ZPR1: variants seen among roughly 807,000 people sequenced by gnomAD.
ZPR1 encodes the protein ZPR1 zinc finger.
Under a neutral mutation model 59.6 loss-of-function variants are expected in ZPR1, and 37 were observed. The observed-to-expected ratio is 0.62, with a 90% confidence interval of 0.48 to 0.82. The LOEUF (loss-of-function observed/expected upper bound fraction) is 0.82, where lower values mean the gene tolerates loss of function less well. Ranked by LOEUF, ZPR1 falls within the 40% of genes least tolerant of loss-of-function variation. ZPR1 has a pLI of 0.00. For missense variants in ZPR1, 527 were observed against 579.9 expected (o/e 0.91, Z 0.94); for synonymous variants, 191 against 215.2 (o/e 0.89, Z 0.99).
intron 11 of ZPR1, 33 bp from the exon 12 acceptor site, chr11:116,782,277 A>G (rs1051539483): frequency 1.1e-5 from 18 of 1,583,302 alleles, no homozygotes; most frequent in Non-Finnish European, 1.6e-5. Context: ...CTATGTGAAT[A>G]CTGGCTTTAT....
Position 116,787,592 on chromosome 11 carries a change from CTAT to C in ZPR1, c.220_222del (p.Ile74del). On this transcript the variant is annotated inframe_deletion, in exon 2 of 14. Coordinates refer to ENST00000227322, the MANE Select transcript of ZPR1 (RefSeq NM_003904.5). ...CAGTGCTCGCAGGAAAAGGAGCTCA[CTAT>C]TATTTCTCTGAAGAAGGGAATCTTG... is the stretch of plus-strand genomic sequence containing the variant. 6.2e-7 allele frequency: 1 copy of C among 1,614,202 alleles called. No homozygotes were observed.
At chr11:116,784,811 C>A (rs763086986) in intron 8 of ZPR1, 44 bp downstream of exon 8, 1 of 1,589,312 alleles carries the variant, frequency 6.3e-7, no homozygotes, top group Admixed American at 1.7e-5. Flanking sequence ...AATCTTCATG[C>A]CTGAGTCAGA....
Position 116,782,256 on chromosome 11 carries a change from G to A in ZPR1, c.1093-12C>T, listed in dbSNP as rs1940819161. 1 of 1,610,316 alleles carries A rather than the reference G, an allele frequency of 6.2e-7. No individual in the cohort carries two copies. The highest frequency in any genetic ancestry group is 8.5e-7 in the Non-Finnish European group (1 of 1,176,690). ...GGATTTTTGGTCACCTGCAATAAAT[G>A]ATAATCCAAACTATGTGAATACTGG... On this transcript the variant is annotated splice_polypyrimidine_tract_variant and intron_variant, in intron 11 of 13. Coordinates refer to ENST00000227322, the MANE Select transcript of ZPR1 (RefSeq NM_003904.5).
At chr11:116,780,596 T>C (rs1400400740) in intron 12 of ZPR1, among the ~76,000 whole-genome samples, 1 of 152,090 alleles carries the variant, frequency 6.6e-6, no homozygotes, top group Admixed American at 6.5e-5. Flanking sequence ...CTTAAAACTT[T>C]GGAGGATTCT....
intron 7 of ZPR1, 28 bp from the exon 8 acceptor site, chr11:116,784,949 G>A: frequency 1.2e-6 from 2 of 1,613,620 alleles, no homozygotes; most frequent in Non-Finnish European, 8.5e-7. Flanking sequence ...GACAAAGGGT[G>A]AGCCCTCCCA....
chr11:116,785,485 C>G, intron 6 of ZPR1, 29 bp downstream of exon 6: 1 of 1,610,336 alleles, frequency 6.2e-7, no homozygotes, highest in Non-Finnish European at 8.5e-7. Flanking sequence ...AATTCCAGAG[C>G]ATTCTTCTGG....
At chr11:116,784,653 T>TCA (rs367783079) in intron 8 of ZPR1, among the ~76,000 whole-genome samples, 3 of 152,126 alleles carry the variant, frequency 2.0e-5, no homozygotes, top group South Asian at 2.1e-4. Context: ...ATGGCTCAGG[T>TCA]CACACACACA....
Position 116,786,584 on chromosome 11 carries a change from T to G in ZPR1, c.425-3A>C, listed in dbSNP as rs753996192. The G allele has an allele frequency of 3.1e-6, 5 of 1,613,870 alleles. No individual in the cohort carries two copies. Among genetic ancestry groups the G allele is most frequent in the Non-Finnish European group, 3.4e-6 (4 of 1,179,892 alleles). On this transcript the variant is annotated splice_polypyrimidine_tract_variant and splice_region_variant and intron_variant, in intron 3 of 13. Transcript: ENST00000227322. ...CAATCCTTCAACAGTGGTCAGAGCT[T>G]GTGAACAAGAACAAAAGACAAGTGT...
At chr11:116,786,718 G>A (rs1042458065) in intron 3 of ZPR1, 137 bp from the exon 4 acceptor site, 2 of 770,238 alleles carry the variant, frequency 2.6e-6, no homozygotes, top group African/African-American at 1.7e-5. Context: ...CAGGTGCAAG[G>A]TTCCATTCAT....
intron 5 of ZPR1, 44 bp from the exon 6 acceptor site, chr11:116,785,680 A>G (rs544108774): frequency 5.0e-6 from 8 of 1,613,686 alleles, no homozygotes; most frequent in Admixed American, 1.7e-5. Flanking sequence ...AGAAAATCAT[A>G]AACAATCCTA....
chr11:116,781,550 C>T (rs187287759), intron 12 of ZPR1, among the ~76,000 whole-genome samples: 15 of 152,326 alleles, frequency 9.8e-5, no homozygotes, highest in Admixed American at 2.6e-4. Flanking sequence ...ATCCTAGAAT[C>T]GTATTCCCAG....
intron 10 of ZPR1, 117 bp downstream of exon 10, chr11:116,783,413 G>C (rs1020890423): frequency 2.1e-5 from 18 of 868,256 alleles, no homozygotes; most frequent in Non-Finnish European, 3.3e-5. Flanking sequence ...TCAAAGCCAG[G>C]GAAGTAGGAG....
At position 116,787,849 on chromosome 11, in the gene ZPR1, C is replaced by T; in HGVS notation, c.142G>A (p.Glu48Lys). Residue 48 changes from glutamate (E) to lysine (K), a missense_variant, in exon 1 of 14, where the codon GAG becomes AAG. By Grantham distance (56) the Glu-to-Lys change is moderately conservative. Coordinates refer to ENST00000227322, the MANE Select transcript of ZPR1 (RefSeq NM_003904.5). ...EDEEQQPTEI[E>K]SLCMNCYCNG... ...CAGTAACAGTTCATGCATAGCGACT[C>T]GATCTCGGTGGGCTGCTGCTCCTCG... 1 of 1,558,558 alleles carries T rather than the reference C, an allele frequency of 6.4e-7. No homozygotes were observed. The highest frequency in any genetic ancestry group is 2.4e-5 in the East Asian group (1 of 41,528).
rs1260998636 is a variant in ZPR1 at position 116,785,148 on chromosome 11, T to C, written c.706-2A>G. 1 of 1,613,976 alleles carries C rather than the reference T, an allele frequency of 6.2e-7. No individual in the cohort carries two copies. The stretch of plus-strand genomic sequence containing the variant: ...TGGCTTCTCTGCTGGTGCTTCTTCC[T>C]AAAATAGCAAAGATGCAGGTCGCAA... On this transcript the variant is annotated splice_acceptor_variant, in intron 6 of 13. Transcript: ENST00000227322. LOFTEE classifies it high-confidence loss of function.
At position 116,775,712 on chromosome 11, in the gene ZPR1, T is replaced by G. The variant is rs1344831684; in HGVS notation, c.*3213A>C. ...CTCTCTGAGGCTGTTTTGTCACCTG[T>G]AAAATGGGGATAATTTTGTTTATCC... On this transcript the variant is annotated 3_prime_UTR_variant, in exon 14 of 14. Transcript: ENST00000227322. The G allele has an allele frequency of 3.7e-5, 6 of 160,934 alleles. No homozygotes were observed. Among genetic ancestry groups the G allele is most frequent in the Admixed American group, 1.4e-4 (2 of 14,522 alleles). 10.0% of individuals were successfully genotyped at this position (160,934 alleles called of 1,614,324 possible).
intron 13 of ZPR1, 100 bp from the exon 14 acceptor site, chr11:116,779,159 G>T: frequency 6.6e-7 from 1 of 1,519,718 alleles, no homozygotes; most frequent in Non-Finnish European, 8.9e-7. Context: ...TGAGTTTTGG[G>T]TTTTTTTCTT....
At chr11:116,781,223 AT>A (rs1178768369) in intron 12 of ZPR1, among the ~76,000 whole-genome samples, 1 of 151,958 alleles carries the variant, frequency 6.6e-6, no homozygotes, top group African/African-American at 2.4e-5. Context: ...GAAAAAAAAA[AT>A]CAGAAAAAAG....
At position 116,778,705 on chromosome 11, in the gene ZPR1, T is replaced by C; in HGVS notation, c.*220A>G. 1 of 577,988 alleles carries C rather than the reference T, an allele frequency of 1.7e-6. No individual in the cohort carries two copies. The highest frequency in any genetic ancestry group is 2.9e-6 in the Non-Finnish European group (1 of 347,276). 35.8% of individuals were successfully genotyped at this position (577,988 alleles called of 1,614,324 possible). On this transcript the variant is annotated 3_prime_UTR_variant, in exon 14 of 14. Transcript: ENST00000227322. ...ATTTCTGGGTTTCCTCCTAGGCCAA[T>C]TCAAAACTTCCAAAATAAGGTCAAG...
intron 3 of ZPR1, 147 bp downstream of exon 3, chr11:116,786,822 A>G: frequency 1.3e-6 from 1 of 758,820 alleles, no homozygotes; most frequent in Non-Finnish European, 2.3e-6. Context: ...TAAGCTTTCC[A>G]CTCATGATTA....
Sources: gnomAD v4.1 joint callset for allele counts (sites outside exome capture counted in the v4.1 genomes callset) on GRCh38, gnomAD v4.1.1 for gene constraint, MANE v1.5 for transcripts, NCBI Gene and HGNC (gene_info 2026-07-23, HGNC 2026-07-21) for gene names.